LRCH1: variants seen among roughly 807,000 people sequenced by gnomAD.
LRCH1 encodes leucine rich repeats and calponin homology domain containing 1.
In LRCH1, 23 loss-of-function variants were observed where a neutral mutation model predicts 94.9. The observed-to-expected ratio is 0.24, with a 90% CI of 0.17 to 0.34. The LOEUF (loss-of-function observed/expected upper bound fraction) is 0.34, where lower values mean the gene tolerates loss of function less well. LRCH1 is among the 10% of genes least tolerant of loss of function. The pLI, the probability that LRCH1 is intolerant of heterozygous loss-of-function variation, is 1.00. For missense variants in LRCH1, 790 were observed against 945.9 expected (o/e 0.84, Z 2.16); for synonymous variants, 364 against 354.9 (o/e 1.03, Z -0.29).
chr13:46,711,572 T>C (rs1278345280), intron 13 of LRCH1, among the ~76,000 whole-genome samples: 2 of 152,256 alleles, frequency 1.3e-5, no homozygotes. Context: ...TTAGTTTGTA[T>C]AATACTTTAA....
In LRCH1 at chr13:46,711,800, G is replaced by C. The variant is rs1261352233; in HGVS notation, c.1537G>C (p.Asp513His). The C allele has an allele frequency of 1.2e-6, 2 of 1,612,946 alleles. No homozygotes were observed. The highest frequency in any genetic ancestry group is 1.7e-4 in the Middle Eastern group (1 of 6,058). Residue 513 changes from aspartate (D) to histidine (H), a missense_variant, in exon 14 of 20, where the codon GAT becomes CAT. By Grantham distance (81) the Asp-to-His change is moderately conservative (BLOSUM62 -1). This residue lies in a region of LRCH1 where 460 missense variants were observed against 508.9 expected (regional missense o/e 0.90). Transcript: ENST00000389797. ...GTTCTTCTTTTTTAAGGTGCAAAGT[G>C]ATCTAACATTACAGAGTAACGGGAG... is the stretch of plus-strand genomic sequence containing the variant. ...ETSPVCEVQS[D>H]LTLQSNGSQY...
chr13:46,669,177 A>T, intron 3 of LRCH1, 21 bp downstream of exon 3: 1 of 1,611,770 alleles, frequency 6.2e-7, no homozygotes, highest in East Asian at 2.2e-5. Context: ...GATTTTTAAG[A>T]TGCTCTTTTT....
At chr13:46,566,087 G>A (rs1020699990) in intron 1 of LRCH1, among the ~76,000 whole-genome samples, 3 of 151,922 alleles carry the variant, frequency 2.0e-5, no homozygotes, top group African/African-American at 4.8e-5. Flanking sequence ...CAGTCTCTAC[G>A]GAAGTCTTGT....
intron 1 of LRCH1, among the ~76,000 whole-genome samples, chr13:46,635,467 C>T (rs1456400769): frequency 1.0e-5 from 1 of 96,626 alleles, no homozygotes. Flanking sequence ...CCCCTCCCAC[C>T]TTTTTTTTTT....
rs1873772248 is a variant in LRCH1, at chr13:46,743,547, A to G, written c.*1699A>G. 1.0e-6 allele frequency: 1 copy of G among 985,856 alleles called. No homozygotes were observed. Among genetic ancestry groups the G allele is most frequent in the African/African-American group, 1.7e-5 (1 of 57,370 alleles). 61.1% of individuals were successfully genotyped at this position (985,856 alleles called of 1,614,324 possible). ...ATAAAATCCCTTTGTACGATGTCTA[A>G]TGAGCACCCTGAGCCATAAATTGCT... On this transcript the variant is annotated 3_prime_UTR_variant, in exon 20 of 20. Coordinates refer to ENST00000389797, the MANE Select transcript of LRCH1 (RefSeq NM_001164211.2).
At chr13:46,746,994 C>T (rs994488247), downstream of LRCH1, among the ~76,000 whole-genome samples, 3 of 152,164 alleles carry the variant, frequency 2.0e-5, no homozygotes, top group Non-Finnish European at 4.4e-5. Context: ...AATGGCCATG[C>T]TTGTATAAGG....
At chr13:46,650,740 A>AG (rs1466635234) in intron 2 of LRCH1, among the ~76,000 whole-genome samples, 13 of 147,282 alleles carry the variant, frequency 8.8e-5, no homozygotes, top group African/African-American at 3.0e-4. Flanking sequence ...AAAAAAAAAA[A>AG]AAGAGAAAGC....
At chr13:46,649,152 A>T (rs989978923) in intron 1 of LRCH1, among the ~76,000 whole-genome samples, 2 of 152,124 alleles carry the variant, frequency 1.3e-5, no homozygotes, top group Non-Finnish European at 2.9e-5. Flanking sequence ...GCTCTTTAAC[A>T]TCTATTTCAT....
intron 1 of LRCH1, among the ~76,000 whole-genome samples, chr13:46,636,112 C>T (rs1344557342): frequency 1.5e-5 from 2 of 133,850 alleles, no homozygotes; most frequent in Admixed American, 8.3e-5. Flanking sequence ...CTCTGTCACC[C>T]AGCCTGGAGT....
intron 1 of LRCH1, among the ~76,000 whole-genome samples, chr13:46,582,899 T>A (rs2050389502): frequency 6.6e-6 from 1 of 151,854 alleles, no homozygotes; most frequent in Non-Finnish European, 1.5e-5. Context: ...CCAAATCTGG[T>A]AGCACCTTGC....
chr13:46,590,954 T>C (rs1188107167), intron 1 of LRCH1, among the ~76,000 whole-genome samples: 10 of 152,160 alleles, frequency 6.6e-5, no homozygotes, highest in African/African-American at 2.4e-4. Context: ...CTCTGAACTT[T>C]ATTTTTCATT....
chr13:46,595,682 G>A (rs1182167859), intron 1 of LRCH1, among the ~76,000 whole-genome samples: 4 of 152,194 alleles, frequency 2.6e-5, no homozygotes, highest in Non-Finnish European at 4.4e-5. Flanking sequence ...CTATGACTCA[G>A]TGTGAGTTCC....
intron 18 of LRCH1, among the ~76,000 whole-genome samples, chr13:46,730,598 T>A (rs1307899427): frequency 6.6e-6 from 1 of 152,248 alleles, no homozygotes; most frequent in African/African-American, 2.4e-5. Context: ...TCAACCACTT[T>A]TTTAGCCTCA....
rs140767832 is a variant in LRCH1 at position 46,723,243 on chromosome 13, T to C, written c.1782T>C (p.Asn594=). The part of the protein sequence containing the change: ...SDNVFLRPQR[N]LESIDPQFTI... The stretch of plus-strand genomic sequence containing the variant: ...TAGTGTTTCTAAGACCTCAGAGAAA[T>C]TTGGAATCTATAGACCCGCAGTTTA... Residue 594 remains asparagine (N), a synonymous_variant, in exon 17 of 20, where the codon AAT becomes AAC. Coordinates refer to ENST00000389797, the MANE Select transcript of LRCH1 (RefSeq NM_001164211.2). The C allele has an allele frequency of 3.2e-5, 52 of 1,612,188 alleles. No homozygotes were observed. In the African/African-American group the frequency reaches 6.4e-4, roughly 20 times the overall value.
In LRCH1 at chr13:46,687,920, T is replaced by C. The variant is rs1397250231; in HGVS notation, c.891T>C (p.Ala297=). 1 of 1,613,344 alleles carries C rather than the reference T, an allele frequency of 6.2e-7. No individual in the cohort carries two copies. The highest frequency in any genetic ancestry group is 8.5e-7 in the Non-Finnish European group (1 of 1,179,568). Residue 297 remains alanine (A), a synonymous_variant, in exon 6 of 20, where the codon GCT becomes GCC. Transcript: ENST00000389797. Reference sequence around the variant, plus strand: ...TACAAGCATGCCAGATTAAGACAGCTGACTCCCTTTATCTCCACACCATGG... The same window carrying C: ...TACAAGCATGCCAGATTAAGACAGCCGACTCCCTTTATCTCCACACCATGG... ...LSIQACQIKT[A]DSLYLHTMER... is the part of the protein sequence containing the mutation.
chr13:46,742,201 G>T lies in LRCH1; in HGVS notation c.*353G>T, dbSNP rs1593390288. 8.8e-7 allele frequency: 1 copy of T among 1,134,374 alleles called. No homozygotes were observed. Among genetic ancestry groups the T allele is most frequent in the Admixed American group, 4.5e-5 (1 of 22,246 alleles). 70.3% of individuals were successfully genotyped at this position (1,134,374 alleles called of 1,614,324 possible). A position where few individuals can be genotyped will look rare whatever the true frequency, so the allele number is the denominator to read the frequency against. On this transcript the variant is annotated 3_prime_UTR_variant, in exon 20 of 20. Transcript: ENST00000389797. Reference sequence around the variant, plus strand: ...AGGGGAGGAGAATTCCAGGACAAGAGTGTCAAGGACAGGGATTTAGCATAT... The same window carrying T: ...AGGGGAGGAGAATTCCAGGACAAGATTGTCAAGGACAGGGATTTAGCATAT...
At chr13:46,640,803 GT>G (rs1436297463) in intron 1 of LRCH1, among the ~76,000 whole-genome samples, 1 of 152,198 alleles carries the variant, frequency 6.6e-6, no homozygotes, top group African/African-American at 2.4e-5. Context: ...GAGGAAGAAG[GT>G]TAAGATGGTT....
chr13:46,632,538 A>G (rs185320906), intron 1 of LRCH1, among the ~76,000 whole-genome samples: 21 of 152,356 alleles, frequency 1.4e-4, no homozygotes, highest in Admixed American at 3.9e-4. Context: ...TTTCTAACAG[A>G]TTTATATTTC....
At chr13:46,600,317 C>G (rs1376688535) in intron 1 of LRCH1, among the ~76,000 whole-genome samples, 1 of 152,232 alleles carries the variant, frequency 6.6e-6, no homozygotes, top group South Asian at 2.1e-4. Context: ...GACACCTGCA[C>G]TTGAAATCTT....
Sources: allele counts gnomAD v4.1 joint callset (sites outside exome capture counted in the v4.1 genomes callset), GRCh38; gene constraint gnomAD v4.1.1; regional missense constraint gnomAD v4.1.1; transcripts MANE v1.5; gene names NCBI Gene and HGNC (gene_info 2026-07-23, HGNC 2026-07-21).